Variants in PBX1 observed in about 807,000 individuals in gnomAD.
PBX1 encodes PBX homeobox 1.
A neutral mutation model predicts 53.4 loss-of-function variants in PBX1; 6 were observed. That is an observed-to-expected ratio of 0.11 (90% CI 0.06 to 0.22). The LOEUF is 0.22. Ranked by LOEUF, PBX1 falls within the 10% of genes least tolerant of loss-of-function variation. PBX1 has a pLI of 1.00. For missense variants in PBX1, 251 were observed against 551.4 expected (o/e 0.46, Z 5.46); for synonymous variants, 204 against 212.3 (o/e 0.96, Z 0.34).
At chr1:164,776,346 A>C (rs1490170562) in intron 2 of PBX1, among the ~76,000 whole-genome samples, 1 of 152,166 alleles carries the variant, frequency 6.6e-6, no homozygotes, top group African/African-American at 2.4e-5. Context: ...GGCAGAACAG[A>C]AAAGCTGCTC....
At chr1:164,616,992 T>C (rs148010285) in intron 2 of PBX1, among the ~76,000 whole-genome samples, 2 of 152,370 alleles carry the variant, frequency 1.3e-5, no homozygotes, top group African/African-American at 2.4e-5. Context: ...GGAGTCCAGA[T>C]CCAGAGGTCA....
chr1:164,663,204 T>TCCTG (rs1553226476), intron 2 of PBX1, among the ~76,000 whole-genome samples: 97 of 149,022 alleles, frequency 6.5e-4, no homozygotes, highest in African/African-American at 2.4e-3. Flanking sequence ...CTTCCTGCCT[T>TCCTG]CCTTCCTGCC....
At chr1:164,855,580 AAT>A (rs1671960487), downstream of PBX1, among the ~76,000 whole-genome samples, 1 of 152,208 alleles carries the variant, frequency 6.6e-6, no homozygotes, top group Non-Finnish European at 1.5e-5. Flanking sequence ...CCTACAGCAC[AAT>A]TACATTTCCA....
Position 164,847,143 on chromosome 1 carries a change from TC to T in PBX1, c.*468del, listed in dbSNP as rs1195148602. 9.2e-7 allele frequency: 1 copy of T among 1,089,292 alleles called. No homozygotes were observed. Among genetic ancestry groups the T allele is most frequent in the Admixed American group, 4.5e-5 (1 of 22,162 alleles). The allele number at this position is 1,089,292 out of a possible 1,614,324, so 67.5% of individuals were successfully genotyped here. A position where few individuals can be genotyped will look rare whatever the true frequency, so the allele number is the denominator to read the frequency against. On this transcript the variant is annotated 3_prime_UTR_variant, in exon 9 of 9. Coordinates refer to ENST00000420696, the MANE Select transcript of PBX1 (RefSeq NM_002585.4). ...ACTCCCTATGTTAACAGGCAATCCTTCTCTGTTTCTCTTATTACTCTCACTA... is the reference window on the plus strand; with the variant it reads ...ACTCCCTATGTTAACAGGCAATCCTTTCTGTTTCTCTTATTACTCTCACTA...
intron 2 of PBX1, chr1:164,577,062 C>T (rs1654301788): frequency 6.6e-6 from 1 of 152,050 alleles, no homozygotes. Flanking sequence ...CTTAGTTGGC[C>T]GTGTGTTGTC....
chr1:164,884,805 G>A (rs548525669), intron 2 of PBX1, among the ~76,000 whole-genome samples: 13 of 152,034 alleles, frequency 8.6e-5, no homozygotes, highest in African/African-American at 1.7e-4. Flanking sequence ...CTTTCTCTTC[G>A]CCCCCACTAA....
chr1:164,710,641 A>C (rs547853620), intron 2 of PBX1, among the ~76,000 whole-genome samples: 116 of 151,950 alleles, frequency 7.6e-4, no homozygotes, highest in African/African-American at 2.5e-3. Context: ...AAACTCCCGA[A>C]CTCAGGTGAT....
chr1:164,590,989 C>T (rs1655333183), intron 2 of PBX1, among the ~76,000 whole-genome samples: 1 of 150,004 alleles, frequency 6.7e-6, no homozygotes, highest in African/African-American at 2.4e-5. Flanking sequence ...GGACTACAGG[C>T]GTGTGCCACC....
At chr1:164,585,906 TTTCACC>T (rs1376803222) in intron 2 of PBX1, among the ~76,000 whole-genome samples, 1 of 152,352 alleles carries the variant, frequency 6.6e-6, no homozygotes, top group East Asian at 1.9e-4. Flanking sequence ...CAATATATAG[TTTCACC>T]TCTTCTGTAT....
At chr1:164,642,310 A>G (rs1355376597) in intron 2 of PBX1, 1 of 152,186 alleles carries the variant, frequency 6.6e-6, no homozygotes, top group Non-Finnish European at 1.5e-5. Flanking sequence ...AGGGGATGCA[A>G]TTATGAATAG....
intron 2 of PBX1, among the ~76,000 whole-genome samples, chr1:164,581,881 G>A (rs920288928): frequency 1.3e-5 from 2 of 152,052 alleles, no homozygotes; most frequent in African/African-American, 4.8e-5. Context: ...ATTTTCTTGT[G>A]TTACTTTCCT....
At chr1:164,716,590 C>T (rs1010899543) in intron 2 of PBX1, among the ~76,000 whole-genome samples, 2 of 151,852 alleles carry the variant, frequency 1.3e-5, no homozygotes, top group African/African-American at 2.4e-5. Context: ...TGTGGTGGCT[C>T]ACGCCTGTAA....
intron 2 of PBX1, among the ~76,000 whole-genome samples, chr1:164,623,104 C>G (rs1361560673): frequency 6.6e-6 from 1 of 152,188 alleles, no homozygotes; most frequent in Admixed American, 6.5e-5. Context: ...TGAGCCAACA[C>G]GCCTGGCCAG....
rs1021237702 is a variant in PBX1, at chr1:164,847,512, G to C, written c.*836G>C. On this transcript the variant is annotated 3_prime_UTR_variant, in exon 9 of 9. Transcript: ENST00000420696. ...TTCAGCACTGAGAAAGCAATATTTA[G>C]AACCTATTGCAAAACTGGGCCTGAG... is the stretch of plus-strand genomic sequence containing the variant. 1 of 1,061,824 alleles carries C rather than the reference G, an allele frequency of 9.4e-7. No homozygotes were observed. The highest frequency in any genetic ancestry group is 1.6e-5 in the African/African-American group (1 of 60,870). 65.8% of individuals were successfully genotyped at this position (1,061,824 alleles called of 1,614,324 possible). A position where few individuals can be genotyped will look rare whatever the true frequency, so the allele number is the denominator to read the frequency against.
At chr1:164,751,580 CCTTT>C (rs1666221276) in intron 2 of PBX1, among the ~76,000 whole-genome samples, 1 of 142,068 alleles carries the variant, frequency 7.0e-6, no homozygotes, top group Non-Finnish European at 1.5e-5. Flanking sequence ...TTATTGCCCC[CCTTT>C]TTTTTTTTTT....
intron 2 of PBX1, among the ~76,000 whole-genome samples, chr1:164,672,604 G>C (rs1435900697): frequency 2.6e-5 from 4 of 152,148 alleles, no homozygotes; most frequent in Non-Finnish European, 5.9e-5. Flanking sequence ...TTCTTCTTGA[G>C]CTGCAGCTGA....
chr1:164,571,893 A>G (rs1653895246), intron 2 of PBX1, among the ~76,000 whole-genome samples: 1 of 117,598 alleles, frequency 8.5e-6, no homozygotes, highest in African/African-American at 3.2e-5. Context: ...ATATATATAT[A>G]TATATATATA....
At chr1:164,768,027 T>A (rs1557995511) in intron 2 of PBX1, among the ~76,000 whole-genome samples, 1 of 152,118 alleles carries the variant, frequency 6.6e-6, no homozygotes, top group Non-Finnish European at 1.5e-5. Context: ...CATCAGTAGA[T>A]GTGCCTACTT....
chr1:164,635,036 T>TA (rs1289630409), intron 2 of PBX1, among the ~76,000 whole-genome samples: 2 of 140,170 alleles, frequency 1.4e-5, no homozygotes, highest in Non-Finnish European at 3.0e-5. Flanking sequence ...TCCTTATTCT[T>TA]ATAAGAGGCA....
Sources: allele counts gnomAD v4.1 joint callset (sites outside exome capture counted in the v4.1 genomes callset), GRCh38; gene constraint gnomAD v4.1.1; transcripts MANE v1.5; gene names NCBI Gene and HGNC (gene_info 2026-07-23, HGNC 2026-07-21).